SYT14: variants seen among roughly 807,000 people sequenced by gnomAD.
SYT14 encodes the protein synaptotagmin-14.
SYT14 carries 32 observed loss-of-function variants against 74.2 expected under a neutral mutation model. The observed-to-expected ratio is 0.43, with a 90% confidence interval of 0.33 to 0.58. The LOEUF (loss-of-function observed/expected upper bound fraction) is 0.58, where lower values mean the gene tolerates loss of function less well. Ranked by LOEUF, SYT14 falls within the 20% of genes least tolerant of loss-of-function variation. SYT14 has a pLI of 0.05. For missense variants in SYT14, 791 were observed against 981.8 expected, an observed-to-expected ratio of 0.81 and a Z score of 2.60; for synonymous variants, 298 against 337.7, an observed-to-expected ratio of 0.88 and a Z score of 1.29.
chr1:210,074,127 C>T (rs2081445817), intron 5 of SYT14, among the ~76,000 whole-genome samples: 1 of 152,172 alleles, frequency 6.6e-6, no homozygotes, highest in African/African-American at 2.4e-5. Context: ...TCTATCCTTT[C>T]TGAGCCTCAC....
intron 5 of SYT14, among the ~76,000 whole-genome samples, chr1:210,065,947 A>G (rs1303787632): frequency 2.6e-5 from 4 of 151,360 alleles, no homozygotes; most frequent in Non-Finnish European, 5.9e-5. Flanking sequence ...TCATTGTTCA[A>G]TTCCCACCTA....
chr1:210,049,423 ATTT>A (rs1384946216), intron 5 of SYT14, among the ~76,000 whole-genome samples: 1 of 140,418 alleles, frequency 7.1e-6, no homozygotes, highest in Non-Finnish European at 1.6e-5. Context: ...GTGGATTTTG[ATTT>A]TTTTTCTTTT....
chr1:210,148,961 G>C (rs1236826541), intron 7 of SYT14, among the ~76,000 whole-genome samples: 1 of 151,722 alleles, frequency 6.6e-6, no homozygotes, highest in Non-Finnish European at 1.5e-5. Flanking sequence ...AAATAATTCA[G>C]CAAAAAATAT....
chr1:210,097,514 G>GA (rs896621504), intron 6 of SYT14, among the ~76,000 whole-genome samples: 9 of 150,668 alleles, frequency 6.0e-5, no homozygotes, highest in Admixed American at 1.3e-4. Context: ...TTGGAATTTT[G>GA]AAAAAAAAGA....
chr1:210,136,310 G>T (rs2082785098), intron 7 of SYT14, among the ~76,000 whole-genome samples: 1 of 152,126 alleles, frequency 6.6e-6, no homozygotes, highest in Non-Finnish European at 1.5e-5. Context: ...CAGGAGGCAG[G>T]AATGAGTAAG....
At chr1:209,991,729 C>A (rs2079690005) in intron 2 of SYT14, among the ~76,000 whole-genome samples, 1 of 151,850 alleles carries the variant, frequency 6.6e-6, no homozygotes, top group Admixed American at 6.6e-5. Context: ...ACTCGGGAGG[C>A]TAAGGCATGA....
chr1:209,964,449 A>C (rs2079124109), intron 2 of SYT14, among the ~76,000 whole-genome samples: 1 of 152,156 alleles, frequency 6.6e-6, no homozygotes, highest in African/African-American at 2.4e-5. Context: ...TTCTGGAACC[A>C]CTATTACACT....
Position 210,108,688 on chromosome 1 carries a change from CAG to C in SYT14, c.2034+8232_2034+8233del, listed in dbSNP as rs531341593. Reference sequence around the variant, plus strand: ...TTAATCAATGTGTTTGGGATATAAACAGAGAGGCAAAAGTGTTAGAGTATTTT... The same window carrying C: ...TTAATCAATGTGTTTGGGATATAAACAGAGGCAAAAGTGTTAGAGTATTTT... On this transcript the variant is annotated intron_variant, in intron 7 of 9. Transcript: ENST00000637265. 2.7e-5 allele frequency among the ~76,000 whole-genome samples: 4 copies of C among 150,794 alleles called. No homozygotes were observed. In the South Asian group the frequency reaches 8.4e-4, roughly 32 times the overall value.
intron 2 of SYT14, among the ~76,000 whole-genome samples, chr1:210,008,554 G>A (rs2080030487): frequency 6.6e-6 from 1 of 151,994 alleles, no homozygotes; most frequent in Admixed American, 6.6e-5. Flanking sequence ...AGTAGAAATG[G>A]GGTTTGCCAT....
exon 10 of SYT14, chr1:210,163,576 G>A (rs534862842): frequency 2.2e-6 from 1 of 453,212 alleles, no homozygotes; most frequent in Admixed American, 2.4e-5. Flanking sequence ...ATACATTTAG[G>A]ATTATTTTTC....
chr1:210,161,659 T>C (rs1336862916), exon 10 of SYT14: 6 of 453,626 alleles, frequency 1.3e-5, no homozygotes, highest in Non-Finnish European at 2.6e-5. Context: ...TTCATTTTCA[T>C]ACAGGAATTT....
At chr1:210,053,628 A>G (rs2081043319) in intron 5 of SYT14, among the ~76,000 whole-genome samples, 1 of 152,216 alleles carries the variant, frequency 6.6e-6, no homozygotes. Context: ...AGCTTGTCAA[A>G]TAGGTAAATG....
rs34134939 is a variant in SYT14 at position 210,149,180 on chromosome 1, A to ATTT, written c.2035-6521_2035-6519dup. ...TACATAAATTTTGATTATAGCAGGAATTTTTTTTTTTTTTTTTTTTTTGAG... is the reference window on the plus strand; with the variant it reads ...TACATAAATTTTGATTATAGCAGGAATTTTTTTTTTTTTTTTTTTTTTTTTGAG... On this transcript the variant is annotated intron_variant, in intron 7 of 9. Transcript: ENST00000637265. Among the ~76,000 whole-genome samples, 323 of 108,486 alleles carry ATTT rather than the reference A, an allele frequency of 3.0e-3. 2 individuals carry two copies. Among genetic ancestry groups the ATTT allele is most frequent in the African/African-American group, 0.011 (292 of 25,746 alleles). 71.2% of individuals were successfully genotyped at this position (108,486 alleles called of 152,430 possible).
chr1:210,010,562 C>A (rs998886579), intron 2 of SYT14, among the ~76,000 whole-genome samples: 2 of 152,096 alleles, frequency 1.3e-5, no homozygotes, highest in Non-Finnish European at 2.9e-5. Flanking sequence ...TTATGACTTT[C>A]TCAGGTAGTG....
Position 209,955,491 on chromosome 1 carries a change from C to T in SYT14, c.-486+2735C>T, listed in dbSNP as rs192611266. ...CAAAGTATATTTTTTAATTTATCCT[C>T]TTTTTTTTCATCCTGCTGCTGTCAT... On this transcript the variant is annotated intron_variant, in intron 2 of 9. Transcript: ENST00000637265. Among the ~76,000 whole-genome samples, 1,212 of 152,062 alleles carry T rather than the reference C, an allele frequency of 8.0e-3. 7 individuals carry two copies. Among genetic ancestry groups the T allele is most frequent in the Non-Finnish European group, 0.012 (815 of 67,976 alleles).
At chr1:210,054,401 C>A (rs1024686544) in intron 5 of SYT14, among the ~76,000 whole-genome samples, 1 of 152,114 alleles carries the variant, frequency 6.6e-6, no homozygotes, top group African/African-American at 2.4e-5. Flanking sequence ...TGGTTTCTTA[C>A]TTTAAGTAAT....
intron 7 of SYT14, among the ~76,000 whole-genome samples, chr1:210,134,163 T>C (rs1314716384): frequency 6.6e-6 from 1 of 151,934 alleles, no homozygotes; most frequent in Non-Finnish European, 1.5e-5. Flanking sequence ...AAGGCAGTGG[T>C]GCAATCGTGG....
At chr1:210,163,315 G>A (rs1558234554) in exon 10 of SYT14, 1 of 453,618 alleles carries the variant, frequency 2.2e-6, no homozygotes, top group Non-Finnish European at 4.4e-6. Flanking sequence ...CATCCCTAGG[G>A]ATTTATCTGG....
exon 4 of SYT14, chr1:210,016,840 A>G: frequency 8.1e-7 from 1 of 1,231,822 alleles, no homozygotes; most frequent in African/African-American, 1.5e-5. Flanking sequence ...AGTGTTCAGG[A>G]AATGAATGTT....
Sources: allele counts gnomAD v4.1 joint callset (sites outside exome capture counted in the v4.1 genomes callset), GRCh38; gene constraint gnomAD v4.1.1; transcripts MANE v1.5; gene names NCBI Gene and HGNC (gene_info 2026-07-23, HGNC 2026-07-21).